Variants in CLNK observed in about 807,000 individuals in gnomAD.
The protein encoded by CLNK is cytokine dependent hematopoietic cell linker, also known as cytokine-dependent hematopoietic cell linker.
CLNK carries 74 observed loss-of-function variants against 68.6 expected under a neutral mutation model. That is an observed-to-expected ratio of 1.08 (90% CI 0.89 to 1.31). The LOEUF is 1.31. CLNK is among the 50% of genes most tolerant of loss of function. The pLI, the probability that CLNK is intolerant of heterozygous loss-of-function variation, is 0.00. For synonymous variants in CLNK, 198 were observed against 172.2 expected (o/e 1.15, Z -1.17); for missense variants, 553 against 515.3 (o/e 1.07, Z -0.71).
rs1475262416 is a variant in CLNK, at chr4:10,646,604, A to G, written c.11+21255T>C. Among the ~76,000 whole-genome samples the G allele has an allele frequency of 3.3e-5, 5 of 152,230 alleles. No homozygotes were observed. The South Asian group carries it at 1.0e-3, about 31-fold the overall frequency. Reference sequence around the variant, plus strand: ...TGGAGAAGACAGAAGTGGGCCACCAAGCTGTGTGCTTCTTGGCACAGAGTG... The same window carrying G: ...TGGAGAAGACAGAAGTGGGCCACCAGGCTGTGTGCTTCTTGGCACAGAGTG... On this transcript the variant is annotated intron_variant, in intron 2 of 18. Coordinates refer to ENST00000226951, the MANE Select transcript of CLNK (RefSeq NM_052964.4).
intron 18 of CLNK, among the ~76,000 whole-genome samples, chr4:10,495,067 G>A (rs1716752721): frequency 6.6e-6 from 1 of 152,010 alleles, no homozygotes. Context: ...GCAAGCAGGA[G>A]GAGAAGGAAG....
intron 4 of CLNK, among the ~76,000 whole-genome samples, chr4:10,577,694 A>C (rs1367024218): frequency 6.6e-6 from 1 of 152,128 alleles, no homozygotes; most frequent in East Asian, 1.9e-4. Flanking sequence ...GGGAGCAAGA[A>C]GGCGGGAAGA....
At chr4:10,599,511 TAC>T (rs1185416551) in intron 2 of CLNK, among the ~76,000 whole-genome samples, 4 of 152,236 alleles carry the variant, frequency 2.6e-5, no homozygotes, top group Admixed American at 1.3e-4. Context: ...TCTATCCAAA[TAC>T]AGCTTAATTC....
intron 2 of CLNK, among the ~76,000 whole-genome samples, chr4:10,608,386 C>G (rs1186260290): frequency 2.0e-5 from 3 of 152,202 alleles, no homozygotes; most frequent in Non-Finnish European, 4.4e-5. Flanking sequence ...TCTTCCAACT[C>G]TCCTTGGTCT....
intron 2 of CLNK, among the ~76,000 whole-genome samples, chr4:10,644,928 G>T (rs1050924043): frequency 6.6e-6 from 1 of 152,160 alleles, no homozygotes; most frequent in Admixed American, 6.5e-5. Context: ...AATGAAAAGG[G>T]CGTTTATGCC....
chr4:10,496,783 A>G lies in CLNK; in HGVS notation c.1140+4473T>C, dbSNP rs867070026. Among the ~76,000 whole-genome samples the G allele has an allele frequency of 5.9e-5, 9 of 152,334 alleles. No homozygotes were observed. The South Asian group carries it at 1.7e-3, about 28-fold the overall frequency. ...TATTTACATAGGGCCTACACTGAGT[A>G]AATGACTTTGTAACTTTACTTCATC... On this transcript the variant is annotated intron_variant, in intron 18 of 18. Transcript: ENST00000226951.
chr4:10,581,778 C>T (rs1207716047), intron 4 of CLNK, among the ~76,000 whole-genome samples: 2 of 151,834 alleles, frequency 1.3e-5, no homozygotes, highest in African/African-American at 2.4e-5. Context: ...CCACCTCATT[C>T]CTTGATTGCC....
chr4:10,688,865 C>G (rs1362881752), upstream of CLNK, among the ~76,000 whole-genome samples: 6 of 151,544 alleles, frequency 4.0e-5, no homozygotes, highest in East Asian at 1.2e-3. Flanking sequence ...TTATTTTAAC[C>G]TTTTAATTTT....
chr4:10,641,994 G>T lies in CLNK; in HGVS notation c.11+25865C>A, dbSNP rs141556116. On this transcript the variant is annotated intron_variant, in intron 2 of 18. Coordinates refer to ENST00000226951, the MANE Select transcript of CLNK (RefSeq NM_052964.4). ...AGGATTGTGAGGTCTCCCCAGCTAT[G>T]TGGAACTGTTAGTCCATTAAACCTC... is the stretch of plus-strand genomic sequence containing the variant. Among the ~76,000 whole-genome samples the T allele has an allele frequency of 2.1e-3, 319 of 152,276 alleles. 1 individual carries two copies. Among genetic ancestry groups the T allele is most frequent in the South Asian group, 2.5e-3 (12 of 4,822 alleles).
chr4:10,689,187 T>C (rs1456394610), upstream of CLNK, among the ~76,000 whole-genome samples: 1 of 151,968 alleles, frequency 6.6e-6, no homozygotes, highest in Admixed American at 6.6e-5. Flanking sequence ...CCAGACTGAG[T>C]GCAGTGATGC....
chr4:10,619,739 G>A (rs1213383050), intron 2 of CLNK, among the ~76,000 whole-genome samples: 1 of 152,214 alleles, frequency 6.6e-6, no homozygotes, highest in African/African-American at 2.4e-5. Context: ...GGTCAGCATG[G>A]TGTGCTATGT....
At chr4:10,586,603 A>G (rs1392844680) in intron 3 of CLNK, among the ~76,000 whole-genome samples, 1 of 152,022 alleles carries the variant, frequency 6.6e-6, no homozygotes, top group African/African-American at 2.4e-5. Context: ...TTGAGCCACC[A>G]CGCCCAGCTT....
At chr4:10,655,969 G>C (rs1723963795) in intron 2 of CLNK, among the ~76,000 whole-genome samples, 1 of 151,788 alleles carries the variant, frequency 6.6e-6, no homozygotes, top group African/African-American at 2.4e-5. Flanking sequence ...TTAATATATA[G>C]AGCCGGGTAA....
rs1464118045 is a variant in CLNK at position 10,498,360 on chromosome 4, TG to T, written c.1140+2895del. On this transcript the variant is annotated intron_variant, in intron 18 of 18. Transcript: ENST00000226951. The stretch of plus-strand genomic sequence containing the variant: ...CAAAAAAATTAGCCGGGCGTGGTGG[TG>T]GGCGCCTGTAGTCCCCGCTACTCGG... 2.7e-5 allele frequency among the ~76,000 whole-genome samples: 4 copies of T among 148,714 alleles called. 1 individual carries two copies. Among genetic ancestry groups the T allele is most frequent in the Admixed American group, 1.3e-4 (2 of 15,006 alleles).
chr4:10,650,721 A>G (rs1049355825), intron 2 of CLNK, among the ~76,000 whole-genome samples: 1 of 152,186 alleles, frequency 6.6e-6, no homozygotes, highest in African/African-American at 2.4e-5. Flanking sequence ...ATTTAAAAAA[A>G]ATTCCAAATT....
At chr4:10,548,410 A>G (rs1177850412) in intron 8 of CLNK, among the ~76,000 whole-genome samples, 1 of 152,124 alleles carries the variant, frequency 6.6e-6, no homozygotes, top group Non-Finnish European at 1.5e-5. Context: ...ATTAACCCTT[A>G]TCAGGTATAT....
At chr4:10,559,830 G>C (rs1006542007) in intron 7 of CLNK, among the ~76,000 whole-genome samples, 1 of 152,202 alleles carries the variant, frequency 6.6e-6, no homozygotes, top group Non-Finnish European at 1.5e-5. Context: ...AAAAATACCA[G>C]CTTGGATTCA....
intron 1 of CLNK, among the ~76,000 whole-genome samples, chr4:10,671,895 G>A (rs1724658100): frequency 6.6e-6 from 1 of 152,162 alleles, no homozygotes; most frequent in Non-Finnish European, 1.5e-5. Context: ...CCCCAACTTA[G>A]TTGCCCTCAC....
chr4:10,697,900 G>T, the CLNK span, among the ~76,000 whole-genome samples: 7 of 152,128 alleles, frequency 4.6e-5, no homozygotes, highest in African/African-American at 1.7e-4. Flanking sequence ...CATATAATAT[G>T]AATCCAAGAA....
Sources: allele counts gnomAD v4.1 joint callset (sites outside exome capture counted in the v4.1 genomes callset), GRCh38; gene constraint gnomAD v4.1.1; transcripts MANE v1.5; gene names NCBI Gene and HGNC (gene_info 2026-07-23, HGNC 2026-07-21).